The following FOXN3 variants were observed in gnomAD, a reference collection of about 807,000 sequenced individuals.
The protein encoded by FOXN3 is forkhead box N3.
Under a neutral mutation model 38.4 loss-of-function variants are expected in FOXN3, and 7 were observed. The observed-to-expected ratio is 0.18, with a 90% CI of 0.10 to 0.34. The LOEUF is 0.34. FOXN3 is among the 10% of genes least tolerant of loss of function. FOXN3 has a pLI of 1.00. For synonymous variants in FOXN3, 230 were observed against 242.2 expected (o/e 0.95, Z 0.47); for missense variants, 456 against 613.4 (o/e 0.74, Z 2.71).
chr14:89,157,001 A>G lies in FOXN3; in HGVS notation c.*5413T>C, dbSNP rs992698805. ...GTTCACCATATCGAAGTCTTTGAGA[A>G]TCCAATATGGAATATCAATTATTTT... On this transcript the variant is annotated 3_prime_UTR_variant, in exon 6 of 6. Transcript: ENST00000557258. 2 of 152,674 alleles carry G rather than the reference A, an allele frequency of 1.3e-5. No homozygotes were observed. The highest frequency in any genetic ancestry group is 2.4e-5 in the African/African-American group (1 of 41,462). The allele number at this position is 152,674 out of a possible 1,614,324, so 9.5% of individuals were successfully genotyped here.
At chr14:89,542,095 T>C (rs1380519328) in intron 1 of FOXN3, among the ~76,000 whole-genome samples, 4 of 152,160 alleles carry the variant, frequency 2.6e-5, no homozygotes, top group Admixed American at 1.3e-4. Context: ...ACTCCATAGA[T>C]AGAGTACGAT....
chr14:89,512,506 C>T (rs1422701950), intron 1 of FOXN3, among the ~76,000 whole-genome samples: 1 of 152,134 alleles, frequency 6.6e-6, no homozygotes, highest in East Asian at 1.9e-4. Flanking sequence ...TGAGGGAAAC[C>T]CACGGAAGAT....
chr14:89,392,742 G>A (rs2140079003), intron 2 of FOXN3, among the ~76,000 whole-genome samples: 1 of 148,552 alleles, frequency 6.7e-6, no homozygotes, highest in African/African-American at 2.5e-5. Context: ...CCAGGTTCAA[G>A]CAATTCTCCT....
intron 1 of FOXN3, among the ~76,000 whole-genome samples, chr14:89,475,698 T>C (rs965563981): frequency 6.6e-6 from 1 of 152,144 alleles, no homozygotes; most frequent in Non-Finnish European, 1.5e-5. Context: ...AAAATAGTTA[T>C]CAAGCACCTA....
intron 4 of FOXN3, among the ~76,000 whole-genome samples, chr14:89,232,009 G>A (rs372865236): frequency 3.3e-5 from 5 of 152,226 alleles, no homozygotes; most frequent in African/African-American, 7.2e-5. Context: ...GCGGGAAGGC[G>A]TGGAGCTAAG....
intron 2 of FOXN3, among the ~76,000 whole-genome samples, chr14:89,389,210 T>C (rs1370409672): frequency 1.3e-5 from 2 of 152,116 alleles, no homozygotes; most frequent in South Asian, 2.1e-4. Flanking sequence ...GCAAACGAAT[T>C]TGGAAGTAAA....
At chr14:89,367,072 C>T (rs1289111501) in intron 2 of FOXN3, among the ~76,000 whole-genome samples, 1 of 152,120 alleles carries the variant, frequency 6.6e-6, no homozygotes, top group African/African-American at 2.4e-5. Context: ...ATCATGAGCC[C>T]TTCTCTCTCA....
Position 89,549,999 on chromosome 14 carries a change from G to GA in FOXN3, c.-15+69028_-15+69029insT, listed in dbSNP as rs373943889. 5.0e-3 allele frequency among the ~76,000 whole-genome samples: 767 copies of GA among 152,308 alleles called. 7 individuals carry two copies. The highest frequency in any genetic ancestry group is 0.017 in the African/African-American group (724 of 41,566). Reference sequence around the variant, plus strand: ...ATGCCTGTGAGCCATGGTAATGCATGCGGCATCACAAGCAGGACTAGAGAG... The same window carrying GA: ...ATGCCTGTGAGCCATGGTAATGCATGACGGCATCACAAGCAGGACTAGAGAG... On this transcript the variant is annotated intron_variant, in intron 1 of 6. Transcript: ENST00000345097.
At chr14:89,466,142 G>A (rs1436288443) in intron 1 of FOXN3, among the ~76,000 whole-genome samples, 2 of 152,174 alleles carry the variant, frequency 1.3e-5, no homozygotes, top group Admixed American at 6.5e-5. Context: ...CTCCAGCAAC[G>A]ACTGAATGCC....
At chr14:89,282,861 A>G (rs1886504382) in intron 3 of FOXN3, among the ~76,000 whole-genome samples, 1 of 152,224 alleles carries the variant, frequency 6.6e-6, no homozygotes. Context: ...AGTGGTTTAG[A>G]TAAGGAAAAT....
chr14:89,314,967 T>C (rs1010587414), intron 3 of FOXN3, among the ~76,000 whole-genome samples: 1 of 152,140 alleles, frequency 6.6e-6, no homozygotes, highest in African/African-American at 2.4e-5. Flanking sequence ...TAATTACTCT[T>C]CACGGCTTGC....
At chr14:89,414,843 G>A (rs1891651780) in intron 1 of FOXN3, among the ~76,000 whole-genome samples, 1 of 152,126 alleles carries the variant, frequency 6.6e-6, no homozygotes, top group African/African-American at 2.4e-5. Context: ...GAGCCACCGC[G>A]CCTGGCCAAG....
At chr14:89,538,177 G>A (rs77831002) in intron 1 of FOXN3, among the ~76,000 whole-genome samples, 2 of 152,196 alleles carry the variant, frequency 1.3e-5, no homozygotes, top group Non-Finnish European at 2.9e-5. Flanking sequence ...ACAGATCCAC[G>A]TAATGTATTT....
intron 1 of FOXN3, among the ~76,000 whole-genome samples, chr14:89,563,910 C>T (rs1301389692): frequency 6.6e-6 from 1 of 152,128 alleles, no homozygotes; most frequent in Non-Finnish European, 1.5e-5. Context: ...AGCACAGTGG[C>T]TCAATCTCGG....
chr14:89,252,470 C>T (rs1566939271), intron 4 of FOXN3, among the ~76,000 whole-genome samples: 1 of 152,104 alleles, frequency 6.6e-6, no homozygotes, highest in Non-Finnish European at 1.5e-5. Context: ...GCCTGACCAA[C>T]ATGGTGAAAC....
intron 1 of FOXN3, among the ~76,000 whole-genome samples, chr14:89,457,205 T>C (rs1009355937): frequency 1.3e-5 from 2 of 152,202 alleles, no homozygotes; most frequent in African/African-American, 4.8e-5. Context: ...GTCAGGATAT[T>C]GTCAGTTGGT....
At chr14:89,510,898 AC>A (rs1894042965) in intron 1 of FOXN3, among the ~76,000 whole-genome samples, 4 of 152,114 alleles carry the variant, frequency 2.6e-5, no homozygotes, top group Non-Finnish European at 5.9e-5. Context: ...AGCTGAGATC[AC>A]ACCACTGCAC....
chr14:89,453,092 A>C (rs1349255165), intron 1 of FOXN3, among the ~76,000 whole-genome samples: 1 of 152,042 alleles, frequency 6.6e-6, no homozygotes, highest in Non-Finnish European at 1.5e-5. Flanking sequence ...CCAGATACTC[A>C]TGAGGCTGAG....
At chr14:89,369,812 A>C (rs1890263051) in intron 2 of FOXN3, among the ~76,000 whole-genome samples, 1 of 152,122 alleles carries the variant, frequency 6.6e-6, no homozygotes, top group South Asian at 2.1e-4. Flanking sequence ...CGTGGGAATT[A>C]TGGGAGCTAC....
Sources: allele counts gnomAD v4.1 joint callset (sites outside exome capture counted in the v4.1 genomes callset), GRCh38; gene constraint gnomAD v4.1.1; transcripts MANE v1.5; gene names NCBI Gene and HGNC (gene_info 2026-07-23, HGNC 2026-07-21).